Variants in ADGRL2 observed in about 807,000 individuals in gnomAD.
ADGRL2 encodes adhesion G protein-coupled receptor L2, also known as calcium-independent alpha-latrotoxin receptor 2.
In ADGRL2, 44 loss-of-function variants were observed where a neutral mutation model predicts 157.4. The observed-to-expected ratio is 0.28, with a 90% CI of 0.22 to 0.36. The LOEUF is 0.36. ADGRL2 is among the 10% of genes least tolerant of loss of function. The probability of loss-of-function intolerance (pLI) is 1.00; values close to 1 mark genes in which losing one functional copy is unlikely to be tolerated. For missense variants in ADGRL2, 1,510 were observed against 1,768.9 expected (o/e 0.85, Z 2.63); for synonymous variants, 585 against 624.7 (o/e 0.94, Z 0.95).
At chr1:81,441,983 A>G (rs192656034) in intron 1 of ADGRL2, among the ~76,000 whole-genome samples, 146 of 152,232 alleles carry the variant, frequency 9.6e-4, no homozygotes, top group Non-Finnish European at 1.5e-3. Context: ...ACAGATGCAC[A>G]CTACCATGCC....
rs562991254 is a variant in ADGRL2 at position 81,517,445 on chromosome 1, A to T, written c.-247-63431A>T. Among the ~76,000 whole-genome samples the T allele has an allele frequency of 3.2e-3, 457 of 143,598 alleles. 4 individuals are homozygous for T. The highest frequency in any genetic ancestry group is 0.012 in the African/African-American group (442 of 37,188). The allele number at this position is 143,598 out of a possible 152,430, so 94.2% of individuals were successfully genotyped here. On this transcript the variant is annotated intron_variant, in intron 2 of 24. Coordinates refer to the ADGRL2 transcript ENST00000370721. ...ATGCCATTGCACTCCAGCCTGGGCG[A>T]CAGAGCGAGACTCCCTCTCAAAAAA... is the stretch of plus-strand genomic sequence containing the variant.
At chr1:81,808,766 A>C (rs1479975687) in intron 1 of ADGRL2, among the ~76,000 whole-genome samples, 2 of 152,056 alleles carry the variant, frequency 1.3e-5, no homozygotes, top group Non-Finnish European at 2.9e-5. Flanking sequence ...TCCTGTGGCA[A>C]TAAAGTAGCA....
At chr1:81,564,089 T>A (rs963327754) in intron 2 of ADGRL2, among the ~76,000 whole-genome samples, 2 of 152,150 alleles carry the variant, frequency 1.3e-5, no homozygotes, top group African/African-American at 2.4e-5. Flanking sequence ...AAAACAATGA[T>A]CCCAGCCACT....
At chr1:81,663,829 G>C (rs2082704807) in intron 3 of ADGRL2, among the ~76,000 whole-genome samples, 1 of 152,068 alleles carries the variant, frequency 6.6e-6, no homozygotes, top group Admixed American at 6.5e-5. Flanking sequence ...TTTAAGAATT[G>C]GCTACTTGTT....
chr1:81,672,194 A>G (rs1310813054), intron 3 of ADGRL2, among the ~76,000 whole-genome samples: 1 of 152,154 alleles, frequency 6.6e-6, no homozygotes, highest in Non-Finnish European at 1.5e-5. Flanking sequence ...AACTCTGCAG[A>G]TTTCTAAGAT....
At chr1:81,790,458 A>G (rs1216840673) in intron 2 of ADGRL2, among the ~76,000 whole-genome samples, 1 of 152,236 alleles carries the variant, frequency 6.6e-6, no homozygotes, top group Non-Finnish European at 1.5e-5. Flanking sequence ...ATTTGTTTAC[A>G]TATGGCCTAC....
chr1:81,953,841 C>T (rs533001498), intron 10 of ADGRL2, among the ~76,000 whole-genome samples: 26 of 152,198 alleles, frequency 1.7e-4, no homozygotes, highest in South Asian at 4.1e-4. Flanking sequence ...CCTTGAAGAA[C>T]GAATCCATAT....
Position 81,562,342 on chromosome 1 carries a change from A to G in ADGRL2, c.-247-18534A>G, listed in dbSNP as rs1267470263. ...CATATGTAAACTGACAAGTATGTCT[A>G]TAAATCCACACCACCCACCCATATT... On this transcript the variant is annotated intron_variant, in intron 2 of 24. Transcript: ENST00000370721. Among the ~76,000 whole-genome samples, 4 of 152,216 alleles carry G rather than the reference A, an allele frequency of 2.6e-5. No individual in the cohort carries two copies. In the South Asian group the frequency reaches 6.2e-4, roughly 24 times the overall value.
intron 3 of ADGRL2, among the ~76,000 whole-genome samples, chr1:81,662,124 C>T (rs1238122972): frequency 6.6e-6 from 1 of 151,994 alleles, no homozygotes; most frequent in Admixed American, 6.6e-5. Context: ...TATCCATCCC[C>T]TCAAGCATTT....
chr1:81,721,879 A>G, intron 1 of ADGRL2: 3 of 756,434 alleles, frequency 4.0e-6, no homozygotes, highest in Admixed American at 3.5e-5. Flanking sequence ...CCTGATAGTA[A>G]GAAGGTGGAG....
intron 3 of ADGRL2, among the ~76,000 whole-genome samples, chr1:81,619,731 A>G (rs201133404): frequency 3.3e-5 from 5 of 149,446 alleles, no homozygotes; most frequent in African/African-American, 7.4e-5. Context: ...GGGTGTGTGT[A>G]TGTGTGTGTG....
intron 2 of ADGRL2, among the ~76,000 whole-genome samples, chr1:81,527,892 C>T (rs959294306): frequency 2.0e-5 from 3 of 151,874 alleles, no homozygotes; most frequent in Admixed American, 6.6e-5. Context: ...ACGGTGAAAC[C>T]CCGTCTCTAC....
rs143957467 is a variant in ADGRL2 at position 81,347,119 on chromosome 1, T to C, written c.-302+40610T>C. 7.8e-4 allele frequency among the ~76,000 whole-genome samples: 118 copies of C among 152,174 alleles called. 1 individual carries two copies. Among genetic ancestry groups the C allele is most frequent in the African/African-American group, 2.6e-3 (109 of 41,522 alleles). On this transcript the variant is annotated intron_variant, in intron 1 of 24. Transcript: ENST00000370721. ...TGTGAACACTAAAACCCATTCTGGG[T>C]TGGGTGCAGTGGCTCATGCCTGTAA...
chr1:81,473,648 C>A (rs542916408), intron 2 of ADGRL2, among the ~76,000 whole-genome samples: 1 of 152,268 alleles, frequency 6.6e-6, no homozygotes, highest in South Asian at 2.1e-4. Flanking sequence ...TGCTTTAACC[C>A]TTAACCTATC....
At chr1:81,912,563 A>T (rs2094755257) in intron 3 of ADGRL2, among the ~76,000 whole-genome samples, 1 of 152,184 alleles carries the variant, frequency 6.6e-6, no homozygotes, top group Non-Finnish European at 1.5e-5. Context: ...CATAAAGTTG[A>T]ATAGTTGCCA....
chr1:81,651,887 AT>A lies in ADGRL2; in HGVS notation c.-143+70917del, dbSNP rs559198772. ...AGGCACACGCCACTGCACCCAACTA[AT>A]TTTTTTTTTATTTTTTGTAGAGACA... is the stretch of plus-strand genomic sequence containing the variant. On this transcript the variant is annotated intron_variant, in intron 3 of 24. Transcript: ENST00000370721. 1.5e-4 allele frequency among the ~76,000 whole-genome samples: 23 copies of A among 150,116 alleles called. No individual in the cohort carries two copies. The South Asian group carries it at 3.2e-3, about 21-fold the overall frequency.
intron 1 of ADGRL2, among the ~76,000 whole-genome samples, chr1:81,373,729 A>G (rs930756862): frequency 2.0e-5 from 3 of 152,230 alleles, no homozygotes; most frequent in African/African-American, 7.2e-5. Context: ...GTGGTGTGGC[A>G]TAAGTGTGAC....
At chr1:81,635,563 G>A (rs1041068992) in intron 3 of ADGRL2, among the ~76,000 whole-genome samples, 6 of 152,148 alleles carry the variant, frequency 3.9e-5, no homozygotes, top group South Asian at 2.1e-4. Flanking sequence ...TTGGTGTCTC[G>A]TGAAGAGCTA....
chr1:81,605,055 C>T (rs1047948236), intron 3 of ADGRL2, among the ~76,000 whole-genome samples: 1 of 152,110 alleles, frequency 6.6e-6, no homozygotes, highest in Admixed American at 6.5e-5. Flanking sequence ...CTCAAATTCA[C>T]TGTCCAGAGT....
Sources: gnomAD v4.1 joint callset for allele counts (sites outside exome capture counted in the v4.1 genomes callset) on GRCh38, gnomAD v4.1.1 for gene constraint, MANE v1.5 for transcripts, NCBI Gene and HGNC (gene_info 2026-07-23, HGNC 2026-07-21) for gene names.